SMARCE1: variants seen among roughly 807,000 people sequenced by gnomAD.
The protein encoded by SMARCE1 is SWI/SNF-related matrix-associated actin-dependent regulator of chromatin subfamily E member 1.
Under a neutral mutation model 54.9 loss-of-function variants are expected in SMARCE1, and 13 were observed. That is an observed-to-expected ratio of 0.24 (90% CI 0.15 to 0.38). SMARCE1 has a LOEUF of 0.38. SMARCE1 is among the 10% of genes least tolerant of loss of function. SMARCE1 has a pLI of 1.00. For missense variants in SMARCE1, 295 were observed against 523.8 expected, an observed-to-expected ratio of 0.56 and a Z score of 4.26; for synonymous variants, 151 against 175.3, an observed-to-expected ratio of 0.86 and a Z score of 1.10.
At chr17:40,645,157 T>C (rs1438643286) in intron 3 of SMARCE1, 7 of 252,166 alleles carry the variant, frequency 2.8e-5, no homozygotes, top group South Asian at 1.7e-4. Flanking sequence ...TATTGTTTAA[T>C]ATGAAAATTT....
Position 40,631,703 on chromosome 17 carries a change from AG to A in SMARCE1, c.715-11del. The A allele has an allele frequency of 6.7e-7, 1 of 1,484,020 alleles. No individual in the cohort carries two copies. Among genetic ancestry groups the A allele is most frequent in the Non-Finnish European group, 9.4e-7 (1 of 1,062,650 alleles). 91.9% of individuals were successfully genotyped at this position (1,484,020 alleles called of 1,614,324 possible). A position where few individuals can be genotyped will look rare whatever the true frequency, so the allele number is the denominator to read the frequency against. ...CAGCTTCTAGTTTTCGCTGCAAGAC[AG>A]GATCAGGCTTCATAATTGTGTCTCA... On this transcript the variant is annotated splice_polypyrimidine_tract_variant and intron_variant, in intron 8 of 10. Coordinates refer to ENST00000348513, the MANE Select transcript of SMARCE1 (RefSeq NM_003079.5).
chr17:40,642,082 A>G lies in SMARCE1; in HGVS notation c.156+373T>C, dbSNP rs2037205071. 3 of 318,912 alleles carry G rather than the reference A, an allele frequency of 9.4e-6. No homozygotes were observed. The South Asian group carries it at 1.5e-4, about 16-fold the overall frequency. The allele number at this position is 318,912 out of a possible 1,614,324, so 19.8% of individuals were successfully genotyped here. A position where few individuals can be genotyped will look rare whatever the true frequency, so the allele number is the denominator to read the frequency against. ...AGCCAGGTCTGAAAGACCAGCCTCTACTAGAAACTCAATCCTTGAGACTAA... is the reference window on the plus strand; with the variant it reads ...AGCCAGGTCTGAAAGACCAGCCTCTGCTAGAAACTCAATCCTTGAGACTAA... On this transcript the variant is annotated intron_variant, in intron 4 of 10. Coordinates refer to ENST00000348513, the MANE Select transcript of SMARCE1 (RefSeq NM_003079.5). The surrounding 1 kb of genome is among the most constrained non-coding windows in gnomAD (Gnocchi z 4.6).
intron 10 of SMARCE1, chr17:40,630,266 G>T: frequency 6.5e-7 from 1 of 1,539,758 alleles, no homozygotes; most frequent in Non-Finnish European, 8.9e-7. Flanking sequence ...GTTTTTCTAG[G>T]ACAGAGCTGG....
chr17:40,632,003 T>C, intron 8 of SMARCE1, 192 bp downstream of exon 8: 1 of 570,804 alleles, frequency 1.8e-6, no homozygotes, highest in East Asian at 2.9e-5. Flanking sequence ...TACAAGGTTC[T>C]ATATTATAGT....
chr17:40,630,864 C>G lies in SMARCE1; in HGVS notation c.877G>C (p.Glu293Gln). 1 of 1,613,976 alleles carries G rather than the reference C, an allele frequency of 6.2e-7. No homozygotes were observed. Among genetic ancestry groups the G allele is most frequent in the Non-Finnish European group, 8.5e-7 (1 of 1,180,022 alleles). Residue 293 changes from glutamate (E) to glutamine (Q), a missense_variant, in exon 10 of 11, where the codon GAG becomes CAG. Glu to Gln is a conservative substitution (Grantham distance 29, BLOSUM62 2). Around this residue, in one of 5 missense-constraint regions of SMARCE1, gnomAD observed 147 missense variants for 161.4 expected, o/e 0.91. Transcript: ENST00000348513. ...TCCTGCCTTTTGCGGGCCTGTTCCTCTGCCTGTGCAATCTCAGCTGCAATT... is the reference window on the plus strand; with the variant it reads ...TCCTGCCTTTTGCGGGCCTGTTCCTGTGCCTGTGCAATCTCAGCTGCAATT... ...EKIAAEIAQA[E>Q]EQARKRQEER... is the part of the protein sequence containing the mutation.
At chr17:40,633,522 T>C (rs2037116684) in intron 7 of SMARCE1, 2 of 152,182 alleles carry the variant, frequency 1.3e-5, no homozygotes, top group Admixed American at 1.3e-4. Context: ...ATCACCTCAG[T>C]GACCCACCAG....
rs1440063014 is a variant in SMARCE1, at chr17:40,624,977, A to C, written c.*3808T>G. The C allele has an allele frequency of 6.6e-6, 1 of 152,260 alleles. No individual in the cohort carries two copies. Among genetic ancestry groups the C allele is most frequent in the Non-Finnish European group, 1.5e-5 (1 of 68,048 alleles). 9.4% of individuals were successfully genotyped at this position (152,260 alleles called of 1,614,324 possible). A position where few individuals can be genotyped will look rare whatever the true frequency, so the allele number is the denominator to read the frequency against. ...AAAAACTCAATAGTTTGAAATTTGC[A>C]TTTTAATCAGCGTTTGGCTAACAAT... On this transcript the variant is annotated 3_prime_UTR_variant, in exon 11 of 11. Transcript: ENST00000348513.
chr17:40,635,627 C>G (rs922617633), intron 7 of SMARCE1: 1 of 200,064 alleles, frequency 5.0e-6, no homozygotes, highest in African/African-American at 2.3e-5. Flanking sequence ...ATGCATTTAG[C>G]TTTTTAAAAG....
chr17:40,633,926 G>T (rs900772993), intron 7 of SMARCE1: 2 of 152,068 alleles, frequency 1.3e-5, no homozygotes, highest in Non-Finnish European at 2.9e-5. Context: ...CATTTATATG[G>T]CCCCAGTGTT....
intron 10 of SMARCE1, 117 bp from the exon 11 acceptor site, chr17:40,629,110 C>A (rs1482589125): frequency 3.9e-6 from 3 of 770,898 alleles, no homozygotes; most frequent in African/African-American, 3.4e-5. Flanking sequence ...GGTTATTAAA[C>A]CCCTGAAATG....
At chr17:40,633,104 G>A (rs2037111793) in intron 7 of SMARCE1, 1 of 152,160 alleles carries the variant, frequency 6.6e-6, no homozygotes, top group Non-Finnish European at 1.5e-5. Context: ...CCACCTGCCA[G>A]GTTCAAGTGA....
intron 8 of SMARCE1, 87 bp downstream of exon 8, chr17:40,632,108 G>T: frequency 9.7e-7 from 1 of 1,028,174 alleles, no homozygotes; most frequent in Non-Finnish European, 1.5e-6. Flanking sequence ...TATTTAACAG[G>T]TAGATTTAGG....
Position 40,625,598 on chromosome 17 carries a change from A to G in SMARCE1, c.*3187T>C, listed in dbSNP as rs2037027574. ...CTGTTCACGAGAAACCAAAGCTTCA[A>G]TTTAACTGCAGGCAATAGGAGTTTC... On this transcript the variant is annotated 3_prime_UTR_variant, in exon 11 of 11. Coordinates refer to ENST00000348513, the MANE Select transcript of SMARCE1 (RefSeq NM_003079.5). 1 of 152,200 alleles carries G rather than the reference A, an allele frequency of 6.6e-6. No homozygotes were observed. The highest frequency in any genetic ancestry group is 2.1e-4 in the South Asian group (1 of 4,830). The allele number at this position is 152,200 out of a possible 1,614,324, so 9.4% of individuals were successfully genotyped here.
intron 10 of SMARCE1, chr17:40,630,128 T>C: frequency 1.3e-6 from 1 of 763,488 alleles, no homozygotes; most frequent in Non-Finnish European, 2.2e-6. Context: ...TAAGGTGATC[T>C]CAAAATTACA....
chr17:40,635,881 T>C (rs924367775), intron 7 of SMARCE1, 50 bp downstream of exon 7: 4 of 1,352,950 alleles, frequency 3.0e-6, no homozygotes, highest in Non-Finnish European at 4.0e-6. Context: ...ATTTCTCATA[T>C]CTTAACTCAC....
chr17:40,627,351 C>T lies in SMARCE1; in HGVS notation c.*1434G>A, dbSNP rs1008119679. The T allele has an allele frequency of 5.9e-5, 9 of 152,202 alleles. No homozygotes were observed. Among genetic ancestry groups the T allele is most frequent in the African/African-American group, 2.2e-4 (9 of 41,450 alleles). 9.4% of individuals were successfully genotyped at this position (152,202 alleles called of 1,614,324 possible). On this transcript the variant is annotated 3_prime_UTR_variant, in exon 11 of 11. Transcript: ENST00000348513. ...AATTAACTCATGCTGGTACAGAGTCCTCTCCATATAGGCACAGGACTTAAC... is the reference window on the plus strand; with the variant it reads ...AATTAACTCATGCTGGTACAGAGTCTTCTCCATATAGGCACAGGACTTAAC...
chr17:40,628,938 C>T lies in SMARCE1; in HGVS notation c.1083G>A (p.Thr361=), dbSNP rs760555858. Reference sequence around the variant, plus strand: ...CACTCTCCTTGTCCTCAGGAGTAGACGTGCCTTCTTCACCATTCTGTTGGC... The same window carrying T: ...CACTCTCCTTGTCCTCAGGAGTAGATGTGCCTTCTTCACCATTCTGTTGGC... ...TESQQNGEEG[T]STPEDKESGQ... The change falls in exon 11 of 11, where the codon ACG becomes ACA. Residue 361 remains threonine (T), a synonymous_variant. Transcript: ENST00000348513. 23 of 1,613,672 alleles carry T rather than the reference C, an allele frequency of 1.4e-5. No homozygotes were observed. The highest frequency in any genetic ancestry group is 8.9e-5 in the East Asian group (4 of 44,884).
At chr17:40,632,451 G>T (rs781472022) in intron 7 of SMARCE1, 84 bp from the exon 8 acceptor site, 6 of 1,204,046 alleles carry the variant, frequency 5.0e-6, no homozygotes, top group South Asian at 1.4e-5. Context: ...AATTACCAAC[G>T]AACTATGGCC....
intron 9 of SMARCE1, 106 bp from the exon 10 acceptor site, chr17:40,631,030 A>C (rs2037089213): frequency 3.8e-6 from 3 of 796,066 alleles, no homozygotes; most frequent in East Asian, 2.7e-5. Context: ...ATATATATAT[A>C]TCTATACACC....
Sources: gnomAD v4.1 joint callset for allele counts on GRCh38, gnomAD v4.1.1 for gene constraint, gnomAD v4.1.1 regional missense constraint, Gnocchi (gnomAD v3.1) non-coding constraint, MANE v1.5 for transcripts, NCBI Gene and HGNC (gene_info 2026-07-23, HGNC 2026-07-21) for gene names.